Variants in UNC13C observed in about 807,000 individuals in gnomAD.
The protein encoded by UNC13C is unc-13 homolog C, also known as protein unc-13 homolog C.
Under a neutral mutation model 245.4 loss-of-function variants are expected in UNC13C, and 174 were observed. The ratio of observed to expected loss-of-function variants is 0.71; its 90% CI spans 0.63 to 0.80. The LOEUF is 0.80. Among genes scored for constraint, UNC13C ranks in the 30% least tolerant of loss-of-function variants. UNC13C has a pLI of 0.00. For synonymous variants in UNC13C, 992 were observed against 895.1 expected (o/e 1.11, Z -1.93); for missense variants, 2,829 against 2,602.9 (o/e 1.09, Z -1.89).
intron 2 of UNC13C, among the ~76,000 whole-genome samples, chr15:54,071,723 G>A (rs981969813): frequency 6.6e-6 from 1 of 152,120 alleles, no homozygotes; most frequent in African/African-American, 2.4e-5. Flanking sequence ...AAATATCAGT[G>A]TTCATACATA....
chr15:54,513,770 A>G (rs1322398223), intron 24 of UNC13C, among the ~76,000 whole-genome samples: 1 of 151,418 alleles, frequency 6.6e-6, no homozygotes, highest in Non-Finnish European at 1.5e-5. Flanking sequence ...CCTAGCTTCT[A>G]ACGATGTAAT....
rs371020941 is a variant in UNC13C at position 54,415,081 on chromosome 15, T to C, written c.4933+14T>C. 11 of 1,556,428 alleles carry C rather than the reference T, an allele frequency of 7.1e-6. No individual in the cohort carries two copies. Among genetic ancestry groups the C allele is most frequent in the Non-Finnish European group, 9.7e-6 (11 of 1,135,432 alleles). The stretch of plus-strand genomic sequence containing the variant: ...ATGCATTAGAAGGTAATTATAAATA[T>C]TTATACTTATTCGAATACATGTTAG... On this transcript the variant is annotated intron_variant, in intron 19 of 32. Coordinates refer to ENST00000260323, the MANE Select transcript of UNC13C (RefSeq NM_001080534.3).
intron 2 of UNC13C, among the ~76,000 whole-genome samples, chr15:54,031,373 G>A (rs1027533987): frequency 3.9e-4 from 59 of 152,230 alleles, no homozygotes; most frequent in Non-Finnish European, 6.8e-4. Flanking sequence ...ACAGGCAGCC[G>A]CCACCGCGCC....
chr15:54,499,456 G>A (rs1894099037), intron 20 of UNC13C, among the ~76,000 whole-genome samples: 1 of 152,058 alleles, frequency 6.6e-6, no homozygotes, highest in Non-Finnish European at 1.5e-5. Context: ...GAATAAAATA[G>A]TCCAGAGGCC....
rs139442665 is a variant in UNC13C at position 54,048,700 on chromosome 15, C to T, written c.2983+32814C>T. ...TCCTCAACAAAGCAGCAAAGTCTTACATCATCTTCCCATTTTGAACTGCCT... is the reference window on the plus strand; with the variant it reads ...TCCTCAACAAAGCAGCAAAGTCTTATATCATCTTCCCATTTTGAACTGCCT... On this transcript the variant is annotated intron_variant, in intron 2 of 32. Coordinates refer to ENST00000260323, the MANE Select transcript of UNC13C (RefSeq NM_001080534.3). 2.1e-3 allele frequency: 625 copies of T among 299,482 alleles called. 8 individuals carry two copies. The highest frequency in any genetic ancestry group is 0.014 in the African/African-American group (606 of 44,724). The allele number at this position is 299,482 out of a possible 1,614,324, so 18.6% of individuals were successfully genotyped here.
intron 20 of UNC13C, among the ~76,000 whole-genome samples, chr15:54,497,014 A>G (rs574828549): frequency 1.3e-5 from 2 of 152,218 alleles, no homozygotes; most frequent in African/African-American, 4.8e-5. Context: ...AAGAGGAAAG[A>G]GTTAAATATG....
At chr15:54,276,380 A>G (rs1046809286) in intron 10 of UNC13C, among the ~76,000 whole-genome samples, 3 of 152,094 alleles carry the variant, frequency 2.0e-5, no homozygotes, top group African/African-American at 7.2e-5. Flanking sequence ...TCAGTATTCC[A>G]CTAATTACAC....
At position 54,324,210 on chromosome 15, in the gene UNC13C, A is replaced by G. The variant is rs529729972; in HGVS notation, c.4425+2115A>G. On this transcript the variant is annotated intron_variant, in intron 14 of 32. Transcript: ENST00000260323. ...TTTGATGAGTCAAATATACCTAAGT[A>G]TATCTCCTGCCTCTACATTGGAACC... is the stretch of plus-strand genomic sequence containing the variant. 2.0e-5 allele frequency among the ~76,000 whole-genome samples: 3 copies of G among 152,168 alleles called. No homozygotes were observed. In the South Asian group the frequency reaches 6.2e-4, roughly 32 times the overall value.
chr15:54,072,858 C>G (rs12902012), intron 2 of UNC13C, among the ~76,000 whole-genome samples: 134,272 of 152,120 alleles, frequency 0.88, 60,092 homozygotes, highest in Non-Finnish European at 0.97. Flanking sequence ...AACTGCCTTT[C>G]ATCCACAGCC....
intron 2 of UNC13C, among the ~76,000 whole-genome samples, chr15:54,078,484 T>A (rs1409968673): frequency 6.6e-6 from 1 of 152,086 alleles, no homozygotes; most frequent in Non-Finnish European, 1.5e-5. Context: ...TTTCTCTGCC[T>A]CTTTGCCAAC....
In UNC13C at chr15:54,627,137, A is replaced by ATAAC. The variant is rs753952721; in HGVS notation, c.*27_*30dup. 6 of 1,584,160 alleles carry ATAAC rather than the reference A, an allele frequency of 3.8e-6. No individual in the cohort carries two copies. Among genetic ancestry groups the ATAAC allele is most frequent in the South Asian group, 1.2e-5 (1 of 86,134 alleles). On this transcript the variant is annotated 3_prime_UTR_variant, in exon 33 of 33. Coordinates refer to ENST00000260323, the MANE Select transcript of UNC13C (RefSeq NM_001080534.3). ...GAAACAAACACTGCAAGCTAAATAC[A>ATAAC]TAACTATAATTGTTTGACTACTGCA...
chr15:53,937,986 A>G, the UNC13C span, among the ~76,000 whole-genome samples: 4 of 152,222 alleles, frequency 2.6e-5, no homozygotes, highest in African/African-American at 9.6e-5. Context: ...AAGTCTGCAA[A>G]ATAACCAGCT....
intron 1 of UNC13C, among the ~76,000 whole-genome samples, chr15:54,003,638 C>T (rs1895000560): frequency 6.6e-6 from 1 of 152,148 alleles, no homozygotes; most frequent in Admixed American, 6.6e-5. Flanking sequence ...ATAGGGTGTC[C>T]ATCCCCTCAA....
At chr15:54,266,238 T>G (rs374245838) in intron 10 of UNC13C, among the ~76,000 whole-genome samples, 1 of 151,964 alleles carries the variant, frequency 6.6e-6, no homozygotes, top group Non-Finnish European at 1.5e-5. Context: ...GGCAATATTG[T>G]GTAAGAAGTA....
chr15:54,374,622 C>T (rs2039564778), intron 17 of UNC13C, among the ~76,000 whole-genome samples: 1 of 152,222 alleles, frequency 6.6e-6, no homozygotes, highest in South Asian at 2.1e-4. Context: ...CATTTCTGAG[C>T]CTGCAGAGGA....
chr15:54,560,926 T>C (rs1472462209), intron 29 of UNC13C, among the ~76,000 whole-genome samples: 1 of 152,040 alleles, frequency 6.6e-6, no homozygotes, highest in African/African-American at 2.4e-5. Flanking sequence ...TTGTCACTTA[T>C]ATTGCCTGAT....
chr15:53,837,948 A>C, the UNC13C span, among the ~76,000 whole-genome samples: 1 of 152,092 alleles, frequency 6.6e-6, no homozygotes, highest in African/African-American at 2.4e-5. Flanking sequence ...TTTAAATCAA[A>C]ACTTCATTAA....
rs143126045 is a variant in UNC13C, at chr15:54,035,856, C to T, written c.2983+19970C>T. On this transcript the variant is annotated intron_variant, in intron 2 of 32. Transcript: ENST00000260323. Reference sequence around the variant, plus strand: ...ACAAGGTGGGGAGGTATTGCAACACCGAGAGGATGATTTGGATTCTTACGT... The same window carrying T: ...ACAAGGTGGGGAGGTATTGCAACACTGAGAGGATGATTTGGATTCTTACGT... Among the ~76,000 whole-genome samples, 122 of 152,138 alleles carry T rather than the reference C, an allele frequency of 8.0e-4. 1 individual carries two copies. Among genetic ancestry groups the T allele is most frequent in the Middle Eastern group, 6.8e-3 (2 of 294 alleles).
chr15:54,475,573 C>G (rs1892693551), intron 19 of UNC13C, among the ~76,000 whole-genome samples: 2 of 151,624 alleles, frequency 1.3e-5, no homozygotes, highest in South Asian at 4.2e-4. Flanking sequence ...TTTTTTGTCC[C>G]TGCAAAAGTT....
Sources: gnomAD v4.1 joint callset for allele counts (sites outside exome capture counted in the v4.1 genomes callset) on GRCh38, gnomAD v4.1.1 for gene constraint, MANE v1.5 for transcripts, NCBI Gene and HGNC (gene_info 2026-07-23, HGNC 2026-07-21) for gene names.